Variants in DAB2IP observed in about 807,000 individuals in gnomAD.
The protein encoded by DAB2IP is disabled homolog 2-interacting protein.
Under a neutral mutation model 107.2 loss-of-function variants are expected in DAB2IP, and 28 were observed. That is an observed-to-expected ratio of 0.26 (90% CI 0.19 to 0.36). DAB2IP has a LOEUF of 0.36. DAB2IP is among the 10% of genes least tolerant of loss of function. The pLI is 1.00. For synonymous variants in DAB2IP, 755 were observed against 706.4 expected, an observed-to-expected ratio of 1.07 and a Z score of -1.09; for missense variants, 1,400 against 1,644.7, an observed-to-expected ratio of 0.85 and a Z score of 2.57.
Position 121,584,881 on chromosome 9 carries a change from G to A in DAB2IP, c.40+17653G>A, listed in dbSNP as rs573364687. On this transcript the variant is annotated intron_variant, in intron 1 of 16. Transcript: ENST00000259371. ...CCAGCTTTGGACAAGGCAGCACTAG[G>A]TTTATTTTTATTTATTTTTACTTAC... Among the ~76,000 whole-genome samples the A allele has an allele frequency of 6.2e-3, 951 of 152,220 alleles. 5 individuals are homozygous for A. Among genetic ancestry groups the A allele is most frequent in the Non-Finnish European group, 0.011 (732 of 68,012 alleles).
chr9:121,773,076 G>A, exon 12 of DAB2IP: 4 of 1,612,534 alleles, frequency 2.5e-6, no homozygotes, highest in Non-Finnish European at 3.4e-6. Context: ...TGGCGACTCA[G>A]GCTCTGAGGG....
At chr9:121,618,974 C>T (rs948483494) in intron 1 of DAB2IP, among the ~76,000 whole-genome samples, 3 of 152,160 alleles carry the variant, frequency 2.0e-5, no homozygotes, top group Admixed American at 6.5e-5. Flanking sequence ...GCAAGATTTC[C>T]CCAAAGCTTA....
chr9:121,658,712 G>T (rs1833072147), intron 1 of DAB2IP, among the ~76,000 whole-genome samples: 4 of 152,196 alleles, frequency 2.6e-5, no homozygotes, highest in Admixed American at 2.6e-4. Context: ...AGACAGGCTT[G>T]GTTCCTCGGT....
chr9:121,670,916 G>A (rs546934083), intron 1 of DAB2IP, among the ~76,000 whole-genome samples: 2 of 152,130 alleles, frequency 1.3e-5, no homozygotes, highest in Non-Finnish European at 2.9e-5. Context: ...ACTTTGGGAG[G>A]CCGAGGCAGG....
chr9:121,630,428 G>C (rs947846717), intron 1 of DAB2IP, among the ~76,000 whole-genome samples: 6 of 151,746 alleles, frequency 4.0e-5, no homozygotes, highest in Non-Finnish European at 1.5e-5. Flanking sequence ...GGGAGGCTGA[G>C]GCAGGAGAAT....
intron 3 of DAB2IP, among the ~76,000 whole-genome samples, chr9:121,716,961 C>T (rs1214006018): frequency 6.6e-6 from 1 of 152,172 alleles, no homozygotes; most frequent in African/African-American, 2.4e-5. Flanking sequence ...CTCCTTTGCT[C>T]CTAGCATCTA....
At chr9:121,601,903 TGTGC>T (rs895181921) in intron 1 of DAB2IP, among the ~76,000 whole-genome samples, 3 of 125,802 alleles carry the variant, frequency 2.4e-5, no homozygotes, top group Non-Finnish European at 5.3e-5. Context: ...TGTGTGTGTG[TGTGC>T]GCGTGCGTGT....
intron 3 of DAB2IP, among the ~76,000 whole-genome samples, chr9:121,717,457 C>T (rs1564176214): frequency 6.6e-6 from 1 of 152,246 alleles, no homozygotes; most frequent in Admixed American, 6.5e-5. Context: ...GCTGTAGCTA[C>T]CCCTGGCATG....
At chr9:121,600,568 CTTAATT>C (rs1168397073) in intron 1 of DAB2IP, among the ~76,000 whole-genome samples, 1 of 152,144 alleles carries the variant, frequency 6.6e-6, no homozygotes, top group Non-Finnish European at 1.5e-5. Flanking sequence ...GAAATTTTAC[CTTAATT>C]TTGATTGTGA....
intron 2 of DAB2IP, among the ~76,000 whole-genome samples, chr9:121,680,743 C>CT (rs78934765): frequency 2.1e-3 from 301 of 143,862 alleles, no homozygotes; most frequent in South Asian, 0.011. Context: ...TTTTTTTTTT[C>CT]TTTTTTTTTT....
At chr9:121,749,766 A>G (rs1210686706) in intron 3 of DAB2IP, among the ~76,000 whole-genome samples, 1 of 152,200 alleles carries the variant, frequency 6.6e-6, no homozygotes, top group African/African-American at 2.4e-5. Flanking sequence ...GGCAGATATG[A>G]TTGATCCCCA....
chr9:121,782,913 T>G lies in DAB2IP; in HGVS notation c.*415T>G. Reference sequence around the variant, plus strand: ...TTCAAGGGCTAGGGGCCTACACCTGTGGCTTCCCCTCGCCTCCTTGGGGGG... The same window carrying G: ...TTCAAGGGCTAGGGGCCTACACCTGGGGCTTCCCCTCGCCTCCTTGGGGGG... On this transcript the variant is annotated 3_prime_UTR_variant, in exon 16 of 16. Transcript: ENST00000408936. The surrounding 1 kb of genome is among the most constrained non-coding windows in gnomAD (Gnocchi z 6.1). The G allele has an allele frequency of 9.7e-7, 1 of 1,027,358 alleles. No homozygotes were observed. Among genetic ancestry groups the G allele is most frequent in the Admixed American group, 5.0e-5 (1 of 19,840 alleles). 63.6% of individuals were successfully genotyped at this position (1,027,358 alleles called of 1,614,324 possible).
intron 1 of DAB2IP, among the ~76,000 whole-genome samples, chr9:121,588,537 G>GAGCA (rs1830353827): frequency 7.1e-6 from 1 of 140,290 alleles, no homozygotes; most frequent in Non-Finnish European, 1.6e-5. Flanking sequence ...GAAGGGAAGG[G>GAGCA]GGAAAGGGGA....
At chr9:121,650,845 G>C (rs1832715528), upstream of DAB2IP, among the ~76,000 whole-genome samples, 1 of 152,160 alleles carries the variant, frequency 6.6e-6, no homozygotes, top group South Asian at 2.1e-4. Context: ...GTGAGAATTA[G>C]GGGGAGCAGA....
At chr9:121,755,821 G>T (rs1386563174) in intron 3 of DAB2IP, among the ~76,000 whole-genome samples, 1 of 152,178 alleles carries the variant, frequency 6.6e-6, no homozygotes, top group Non-Finnish European at 1.5e-5. Flanking sequence ...GTGTCTGGTG[G>T]CTCTGCCAAG....
rs1037982172 is a variant in DAB2IP at position 121,742,938 on chromosome 9, T to G, written c.363-14075T>G. On this transcript the variant is annotated intron_variant, in intron 3 of 15. Coordinates refer to ENST00000408936, the Ensembl canonical transcript of DAB2IP. Reference sequence around the variant, plus strand: ...CTGTGACAGGTGAGACTCCTCATCTTGCCCCCTTCTTTCTTCATCATGAAG... The same window carrying G: ...CTGTGACAGGTGAGACTCCTCATCTGGCCCCCTTCTTTCTTCATCATGAAG... 3.0e-6 allele frequency: 3 copies of G among 985,380 alleles called. No individual in the cohort carries two copies. In the African/African-American group the frequency reaches 5.2e-5, roughly 17 times the overall value. 61.0% of individuals were successfully genotyped at this position (985,380 alleles called of 1,614,324 possible).
chr9:121,609,048 T>C (rs1830991009), intron 1 of DAB2IP, among the ~76,000 whole-genome samples: 1 of 152,214 alleles, frequency 6.6e-6, no homozygotes, highest in Non-Finnish European at 1.5e-5. Context: ...TTCAAGCGAT[T>C]CTCCTGCCTC....
intron 1 of DAB2IP, among the ~76,000 whole-genome samples, chr9:121,609,383 G>A (rs1023102985): frequency 6.6e-6 from 1 of 152,122 alleles, no homozygotes; most frequent in Non-Finnish European, 1.5e-5. Flanking sequence ...AGGCTGTCTA[G>A]TGCATCTGAC....
At chr9:121,639,249 C>T (rs188505487) in intron 1 of DAB2IP, among the ~76,000 whole-genome samples, 3 of 152,342 alleles carry the variant, frequency 2.0e-5, no homozygotes, top group Admixed American at 6.5e-5. Flanking sequence ...CCTTGGGCAA[C>T]TCTGCCCTCT....
Sources: gnomAD v4.1 joint callset for allele counts (sites outside exome capture counted in the v4.1 genomes callset) on GRCh38, gnomAD v4.1.1 for gene constraint, Gnocchi (gnomAD v3.1) non-coding constraint, MANE v1.5 for transcripts, NCBI Gene and HGNC (gene_info 2026-07-23, HGNC 2026-07-21) for gene names.